ZNF385D: variants seen among roughly 807,000 people sequenced by gnomAD.
ZNF385D encodes zinc finger protein 659.
A neutral mutation model predicts 35.8 loss-of-function variants in ZNF385D; 15 were observed. That is an observed-to-expected ratio of 0.42 (90% CI 0.28 to 0.64). ZNF385D has a LOEUF of 0.64. Among genes scored for constraint, ZNF385D ranks in the 30% least tolerant of loss-of-function variants. The probability of loss-of-function intolerance (pLI) is 0.23; values close to 1 mark genes in which losing one functional copy is unlikely to be tolerated. For synonymous variants in ZNF385D, 212 were observed against 186.8 expected, an observed-to-expected ratio of 1.13 and a Z score of -1.10; for missense variants, 474 against 494.6, an observed-to-expected ratio of 0.96 and a Z score of 0.39.
In ZNF385D at chr3:21,565,348, A is replaced by AAAAC. The variant is rs1283651094; in HGVS notation, c.166-668_166-665dup. 1.6e-4 allele frequency among the ~76,000 whole-genome samples: 24 copies of AAAAC among 152,244 alleles called. 1 individual carries two copies. Among genetic ancestry groups the AAAAC allele is most frequent in the Admixed American group, 1.1e-3 (17 of 15,288 alleles). ...TTCCAGGACAGGACAAACAACAAGA[A>AAAAC]AAACATAATGTCAGCAATCCAGCTC... is the stretch of plus-strand genomic sequence containing the variant. On this transcript the variant is annotated intron_variant, in intron 2 of 7. Transcript: ENST00000281523.
In ZNF385D at chr3:21,937,006, T is replaced by C. The variant is rs148200115; in HGVS notation, c.325+231811A>G. Among the ~76,000 whole-genome samples, 376 of 152,260 alleles carry C rather than the reference T, an allele frequency of 2.5e-3. 1 individual carries two copies. Among genetic ancestry groups the C allele is most frequent in the African/African-American group, 8.6e-3 (358 of 41,558 alleles). On this transcript the variant is annotated intron_variant, in intron 3 of 5. Transcript: ENST00000494108. ...TATTTATGGATATAAAAGGTTGTAA[T>C]GTAACATTGTAATAAGCAGAGAAAG...
chr3:21,988,459 G>A (rs1466072728), intron 3 of ZNF385D, among the ~76,000 whole-genome samples: 3 of 136,930 alleles, frequency 2.2e-5, no homozygotes, highest in African/African-American at 5.1e-5. Flanking sequence ...CTGCTGGGGG[G>A]TGCCTCCCAG....
chr3:21,710,137 A>G (rs995339376), intron 1 of ZNF385D, among the ~76,000 whole-genome samples: 1 of 152,152 alleles, frequency 6.6e-6, no homozygotes, highest in African/African-American at 2.4e-5. Context: ...GGAGTTGGGT[A>G]TGGGGGTATG....
intron 2 of ZNF385D, among the ~76,000 whole-genome samples, chr3:22,203,231 T>G (rs1696922515): frequency 6.6e-6 from 1 of 152,060 alleles, no homozygotes; most frequent in African/African-American, 2.4e-5. Context: ...TGGGCAGAGA[T>G]GCGAGGCCCT....
intron 4 of ZNF385D, among the ~76,000 whole-genome samples, chr3:21,454,884 A>G (rs1702694461): frequency 6.6e-6 from 1 of 152,226 alleles, no homozygotes; most frequent in Non-Finnish European, 1.5e-5. Context: ...AAGCAACTTC[A>G]GCAAAGTCTC....
intron 3 of ZNF385D, among the ~76,000 whole-genome samples, chr3:21,956,049 T>C (rs565403682): frequency 1.3e-5 from 2 of 152,056 alleles, no homozygotes; most frequent in South Asian, 4.1e-4. Context: ...TATCCACGTC[T>C]AGTGGCACAT....
chr3:22,009,301 G>A (rs1467910701), intron 3 of ZNF385D, among the ~76,000 whole-genome samples: 4 of 151,862 alleles, frequency 2.6e-5, no homozygotes, highest in Admixed American at 2.0e-4. Context: ...GTTATACTAT[G>A]GAATATTATA....
At chr3:22,196,380 T>C (rs1236438738) in intron 2 of ZNF385D, among the ~76,000 whole-genome samples, 3 of 152,082 alleles carry the variant, frequency 2.0e-5, no homozygotes, top group African/African-American at 7.2e-5. Flanking sequence ...ACAATAGAAG[T>C]AGGATTGTCA....
At chr3:21,575,835 A>G in intron 2 of ZNF385D, among the ~76,000 whole-genome samples, 1 of 152,158 alleles carries the variant, frequency 6.6e-6, no homozygotes, top group Non-Finnish European at 1.5e-5. Context: ...CACACTTATC[A>G]AGGGCTCAGT....
chr3:22,293,927 T>C (rs1230499885), intron 2 of ZNF385D, among the ~76,000 whole-genome samples: 1 of 152,148 alleles, frequency 6.6e-6, no homozygotes, highest in Non-Finnish European at 1.5e-5. Flanking sequence ...TTTCTTCTAC[T>C]TCCTACATAC....
chr3:22,155,024 G>T (rs1053154393), intron 3 of ZNF385D, among the ~76,000 whole-genome samples: 1 of 152,076 alleles, frequency 6.6e-6, no homozygotes, highest in Middle Eastern at 3.2e-3. Context: ...AGGGAGAACA[G>T]GCAGATTTTT....
rs145954220 is a variant in ZNF385D, at chr3:22,158,536, G to A, written c.325+10281C>T. Among the ~76,000 whole-genome samples, 548 of 152,060 alleles carry A rather than the reference G, an allele frequency of 3.6e-3. 11 individuals are homozygous for A. Among genetic ancestry groups the A allele is most frequent in the African/African-American group, 0.013 (531 of 41,458 alleles). ...TCTTACAAAATACTATCGCAATTTTGGAAGCAAGGAAAGAGAAGACATGTA... is the reference window on the plus strand; with the variant it reads ...TCTTACAAAATACTATCGCAATTTTAGAAGCAAGGAAAGAGAAGACATGTA... On this transcript the variant is annotated intron_variant, in intron 3 of 5. Coordinates refer to the ZNF385D transcript ENST00000494108.
At chr3:22,279,471 G>A (rs761316280) in intron 2 of ZNF385D, among the ~76,000 whole-genome samples, 5 of 133,462 alleles carry the variant, frequency 3.7e-5, no homozygotes, top group Non-Finnish European at 7.9e-5. Context: ...GTATTCCACA[G>A]TATATATATA....
intron 1 of ZNF385D, among the ~76,000 whole-genome samples, chr3:21,694,023 C>T (rs1370645571): frequency 1.0e-4 from 10 of 97,758 alleles, no homozygotes; most frequent in African/African-American, 3.2e-4. Flanking sequence ...GGACTACAGG[C>T]GCGTGCCACT....
intron 2 of ZNF385D, among the ~76,000 whole-genome samples, chr3:22,224,641 C>T (rs991308153): frequency 6.6e-6 from 1 of 152,162 alleles, no homozygotes; most frequent in African/African-American, 2.4e-5. Flanking sequence ...ATAGGAAAGG[C>T]AGTAAGGTGA....
intron 4 of ZNF385D, among the ~76,000 whole-genome samples, chr3:21,499,477 T>C (rs1394977092): frequency 6.6e-6 from 1 of 152,024 alleles, no homozygotes; most frequent in East Asian, 1.9e-4. Flanking sequence ...AGGGCCTATT[T>C]GAGATTGGAA....
chr3:21,992,458 C>T (rs1267912452), intron 3 of ZNF385D, among the ~76,000 whole-genome samples: 1 of 152,176 alleles, frequency 6.6e-6, no homozygotes, highest in Non-Finnish European at 1.5e-5. Context: ...ATATTATCAT[C>T]ATCCATCACA....
chr3:22,213,631 C>T (rs1286789309), intron 2 of ZNF385D, among the ~76,000 whole-genome samples: 1 of 151,978 alleles, frequency 6.6e-6, no homozygotes, highest in Admixed American at 6.6e-5. Flanking sequence ...TTAACTATAA[C>T]ACAAGTTAAA....
chr3:21,602,699 A>T (rs2064348861), intron 2 of ZNF385D, among the ~76,000 whole-genome samples: 1 of 145,710 alleles, frequency 6.9e-6, no homozygotes. Context: ...CGCCCGGCTA[A>T]TTTTTTTGTA....
Sources: gnomAD v4.1 joint callset for allele counts (sites outside exome capture counted in the v4.1 genomes callset) on GRCh38, gnomAD v4.1.1 for gene constraint, MANE v1.5 for transcripts, NCBI Gene and HGNC (gene_info 2026-07-23, HGNC 2026-07-21) for gene names.